The following BRSK2 variants were observed in gnomAD, a reference collection of about 807,000 sequenced individuals.
BRSK2 encodes serine/threonine-protein kinase BRSK2.
A neutral mutation model predicts 83.3 loss-of-function variants in BRSK2; 19 were observed. The ratio of observed to expected loss-of-function variants is 0.23; its 90% CI spans 0.16 to 0.33. The LOEUF (loss-of-function observed/expected upper bound fraction) is 0.33. Ranked by LOEUF, BRSK2 falls within the 10% of genes least tolerant of loss-of-function variation. BRSK2 has a pLI of 1.00. For synonymous variants in BRSK2, 519 were observed against 435.4 expected, an observed-to-expected ratio of 1.19 and a Z score of -2.39; for missense variants, 798 against 1,042.3, an observed-to-expected ratio of 0.77 and a Z score of 3.23.
At chr11:1,418,056 C>G (rs1286540131) in intron 1 of BRSK2, among the ~76,000 whole-genome samples, 1 of 143,326 alleles carries the variant, frequency 7.0e-6, no homozygotes, top group Non-Finnish European at 1.5e-5. Flanking sequence ...TCTCCTGTGT[C>G]CTGCTTCTGT....
rs116614226 is a variant in BRSK2, at chr11:1,395,031, G to A, written c.91+4656G>A. 4.6e-3 allele frequency among the ~76,000 whole-genome samples: 693 copies of A among 152,252 alleles called. 8 individuals carry two copies. The highest frequency in any genetic ancestry group is 0.016 in the African/African-American group (663 of 41,546). ...AGATGGGCTGTGCAGGGCTGAGCCC[G>A]GAGAGCGCATGGGTAGACAGGACCC... On this transcript the variant is annotated intron_variant, in intron 1 of 19. Transcript: ENST00000528841.
rs1410479675 is a variant in BRSK2, at chr11:1,460,777, G to A, written c.*54G>A. On this transcript the variant is annotated 3_prime_UTR_variant, in exon 20 of 20. Coordinates refer to ENST00000528841, the MANE Select transcript of BRSK2 (RefSeq NM_001256627.2). Reference sequence around the variant, plus strand: ...ACTGACAGCGGCTGCCTCGCCGCCCGCCGCCCGCCCTGCCCCGAGTGGACC... The same window carrying A: ...ACTGACAGCGGCTGCCTCGCCGCCCACCGCCCGCCCTGCCCCGAGTGGACC... 138 of 1,353,510 alleles carry A rather than the reference G, an allele frequency of 1.0e-4. 2 individuals carry two copies. The highest frequency in any genetic ancestry group is 9.1e-4 in the South Asian group (55 of 60,712). The allele number at this position is 1,353,510 out of a possible 1,614,324, so 83.8% of individuals were successfully genotyped here.
chr11:1,423,564 G>T lies in BRSK2; in HGVS notation c.92-12476G>T, dbSNP rs570500344. On this transcript the variant is annotated intron_variant, in intron 1 of 19. Coordinates refer to ENST00000528841, the MANE Select transcript of BRSK2 (RefSeq NM_001256627.2). The surrounding 1 kb of genome is among the most constrained non-coding windows in gnomAD (Gnocchi z 6.5). ...GAGCTCCCTGGGGCTCCTCAGACCC[G>T]GTCACCGAACAGCAGAGACGTGCTC... 6.6e-6 allele frequency among the ~76,000 whole-genome samples: 1 copy of T among 152,116 alleles called. No homozygotes were observed. Among genetic ancestry groups the T allele is most frequent in the South Asian group, 2.1e-4 (1 of 4,828 alleles).
intron 1 of BRSK2, among the ~76,000 whole-genome samples, chr11:1,392,823 CAGGGCCAGTGTGGCTGT>C (rs1343160854): frequency 6.6e-6 from 1 of 152,218 alleles, no homozygotes; most frequent in Non-Finnish European, 1.5e-5. Flanking sequence ...GTGCGTCCTG[CAGGGCCAGTGTGGCTGT>C]AGGGTCGTCC....
At chr11:1,413,371 C>T (rs1313683594) in intron 1 of BRSK2, among the ~76,000 whole-genome samples, 1 of 152,094 alleles carries the variant, frequency 6.6e-6, no homozygotes, top group Non-Finnish European at 1.5e-5. Context: ...AGAGGCAGTG[C>T]CCCAGGACCA....
chr11:1,433,259 A>G (rs1221389222), intron 1 of BRSK2, among the ~76,000 whole-genome samples: 1 of 152,204 alleles, frequency 6.6e-6, no homozygotes, highest in South Asian at 2.1e-4. Context: ...GGGCTTCGCC[A>G]CCTACCCTGG....
rs192345829 is a variant in BRSK2, at chr11:1,429,467, C to T, written c.92-6573C>T. Among the ~76,000 whole-genome samples the T allele has an allele frequency of 4.7e-3, 717 of 151,248 alleles. 19 individuals carry two copies. Among genetic ancestry groups the T allele is most frequent in the African/African-American group, 0.017 (682 of 40,544 alleles). ...GTGTACACAGGTGCATGTCTGTGTGCGTGGCCACACGTGCTGTCCCTGCCC... is the reference window on the plus strand; with the variant it reads ...GTGTACACAGGTGCATGTCTGTGTGTGTGGCCACACGTGCTGTCCCTGCCC... On this transcript the variant is annotated intron_variant, in intron 1 of 19. Coordinates refer to ENST00000528841, the MANE Select transcript of BRSK2 (RefSeq NM_001256627.2).
chr11:1,447,302 C>A (rs1218245303), intron 12 of BRSK2, among the ~76,000 whole-genome samples: 1 of 152,222 alleles, frequency 6.6e-6, no homozygotes, highest in African/African-American at 2.4e-5. Context: ...TCCCCGGACT[C>A]CCCGACCCTG....
intron 1 of BRSK2, among the ~76,000 whole-genome samples, chr11:1,433,509 G>A (rs1033288890): frequency 6.6e-6 from 1 of 152,228 alleles, no homozygotes; most frequent in Admixed American, 6.5e-5. Context: ...CATGCCCTTC[G>A]GACCAGAGGC....
Position 1,459,207 on chromosome 11 carries a change from T to C in BRSK2, c.1955T>C (p.Met652Thr), listed in dbSNP as rs1483482409. Residue 652 changes from methionine to threonine, a missense_variant, in exon 19 of 20, where the codon ATG becomes ACG. Transcript: ENST00000528841. ...TGTACTCCAGACACCACTAACTGTA[T>C]GGAAATGATGACGGGGCGGCTTTCC... ...AQHLSDTTNC[M>T]EMMTGRLSKC... 1.9e-6 allele frequency: 3 copies of C among 1,613,842 alleles called. No homozygotes were observed. The highest frequency in any genetic ancestry group is 2.2e-5 in the East Asian group (1 of 44,886).
intron 1 of BRSK2, among the ~76,000 whole-genome samples, chr11:1,413,275 T>C (rs954304124): frequency 6.6e-6 from 1 of 151,926 alleles, no homozygotes; most frequent in Non-Finnish European, 1.5e-5. Context: ...GACCCCACTG[T>C]CCACTGGGGT....
At chr11:1,460,395 T>G in intron 19 of BRSK2, 105 bp from the exon 20 acceptor site, 39 of 932,718 alleles carry the variant, frequency 4.2e-5, no homozygotes, top group Non-Finnish European at 4.2e-5. Context: ...GTTCATTTGT[T>G]TGTTTGTTCT....
chr11:1,390,410 A>C lies in BRSK2; in HGVS notation c.91+35A>C, dbSNP rs896281316. 10 of 987,966 alleles carry C rather than the reference A, an allele frequency of 1.0e-5. No individual in the cohort carries two copies. The highest frequency in any genetic ancestry group is 1.2e-5 in the Non-Finnish European group (10 of 823,766). 61.2% of individuals were successfully genotyped at this position (987,966 alleles called of 1,614,324 possible). On this transcript the variant is annotated intron_variant, in intron 1 of 19. Transcript: ENST00000528841. The surrounding 1 kb of genome is among the most constrained non-coding windows in gnomAD (Gnocchi z 6.8). ...GCCGGGGCGGGGACCGGGGCCGGGG[A>C]GGCCGCGCTGGCAGCGCGCTGGGTG...
chr11:1,446,134 GCTGGA>G (rs1163276382), intron 12 of BRSK2, among the ~76,000 whole-genome samples: 5 of 146,676 alleles, frequency 3.4e-5, no homozygotes, highest in South Asian at 2.2e-4. Context: ...GCTGGGCTGT[GCTGGA>G]CTGGACTGGG....
At chr11:1,456,883 G>A (rs1042442096) in intron 18 of BRSK2, 196 bp downstream of exon 18, 50 of 1,528,664 alleles carry the variant, frequency 3.3e-5, no homozygotes, top group Admixed American at 5.4e-5. Context: ...GGGACCACCC[G>A]CCTCGCCTCT....
chr11:1,461,902 A>G lies in BRSK2; in HGVS notation c.*1179A>G, dbSNP rs1847543992. On this transcript the variant is annotated 3_prime_UTR_variant, in exon 20 of 20. Coordinates refer to ENST00000528841, the MANE Select transcript of BRSK2 (RefSeq NM_001256627.2). ...CATGGGTTCCGTCTCTCTGTGGAGAAGCAGCTCCACCTCTGGGGGGGCTCG... is the reference window on the plus strand; with the variant it reads ...CATGGGTTCCGTCTCTCTGTGGAGAGGCAGCTCCACCTCTGGGGGGGCTCG... 6.6e-6 allele frequency: 1 copy of G among 151,024 alleles called. No homozygotes were observed. The highest frequency in any genetic ancestry group is 6.6e-5 in the Admixed American group (1 of 15,212). The allele number at this position is 151,024 out of a possible 1,614,324, so 9.4% of individuals were successfully genotyped here.
intron 1 of BRSK2, among the ~76,000 whole-genome samples, chr11:1,427,140 GC>G (rs987363008): frequency 9.9e-5 from 15 of 152,148 alleles, no homozygotes; most frequent in Admixed American, 9.8e-4. Flanking sequence ...TCTCCCCACA[GC>G]CCCACTGGCT....
intron 1 of BRSK2, among the ~76,000 whole-genome samples, chr11:1,396,773 C>T (rs1846151402): frequency 6.6e-6 from 1 of 152,190 alleles, no homozygotes; most frequent in Non-Finnish European, 1.5e-5. Context: ...GGGCTGGTCC[C>T]CGTGACTGCC....
At chr11:1,446,558 C>T (rs1852155840) in intron 12 of BRSK2, among the ~76,000 whole-genome samples, 1 of 152,224 alleles carries the variant, frequency 6.6e-6, no homozygotes, top group Admixed American at 6.5e-5. Context: ...GGGCCCGTCT[C>T]TGGGTGGCAA....
Sources: allele counts gnomAD v4.1 joint callset (sites outside exome capture counted in the v4.1 genomes callset), GRCh38; gene constraint gnomAD v4.1.1; non-coding constraint Gnocchi (gnomAD v3.1); transcripts MANE v1.5; gene names NCBI Gene and HGNC (gene_info 2026-07-23, HGNC 2026-07-21).